ANKMY2: variants seen among roughly 807,000 people sequenced by gnomAD.
ANKMY2 encodes ankyrin repeat and MYND domain containing 2.
Under a neutral mutation model 50.4 loss-of-function variants are expected in ANKMY2, and 36 were observed. The observed-to-expected ratio is 0.71, with a 90% CI of 0.55 to 0.94. ANKMY2 has a LOEUF of 0.94. Ranked by LOEUF, ANKMY2 falls within the 40% of genes least tolerant of loss-of-function variation. The pLI is 0.00. For synonymous variants in ANKMY2, 187 were observed against 178.8 expected, an observed-to-expected ratio of 1.05 and a Z score of -0.36; for missense variants, 565 against 524.0, an observed-to-expected ratio of 1.08 and a Z score of -0.76.
chr7:16,599,951 T>A lies in ANKMY2; in HGVS notation c.*810A>T, dbSNP rs113616294. 1 of 152,230 alleles carries A rather than the reference T, an allele frequency of 6.6e-6. No individual in the cohort carries two copies. The highest frequency in any genetic ancestry group is 6.5e-5 in the Admixed American group (1 of 15,284). 9.4% of individuals were successfully genotyped at this position (152,230 alleles called of 1,614,324 possible). The stretch of plus-strand genomic sequence containing the variant: ...CAGTTTCTGGAAAGGAAGTGCTCCA[T>A]GAAAAGCTTATAGCAAGATAACTCA... On this transcript the variant is annotated 3_prime_UTR_variant, in exon 10 of 10. Transcript: ENST00000306999.
intron 7 of ANKMY2, among the ~76,000 whole-genome samples, chr7:16,605,523 A>G (rs867056236): frequency 6.6e-6 from 1 of 151,952 alleles, no homozygotes; most frequent in Non-Finnish European, 1.5e-5. Flanking sequence ...TTTTTTTGAG[A>G]TGGAGTCTCT....
At chr7:16,601,574 T>G (rs1262042971) in intron 9 of ANKMY2, among the ~76,000 whole-genome samples, 1 of 152,244 alleles carries the variant, frequency 6.6e-6, no homozygotes, top group East Asian at 1.9e-4. Context: ...TAAGGATAAA[T>G]GGTTTAATTG....
intron 1 of ANKMY2, among the ~76,000 whole-genome samples, chr7:16,639,643 G>C (rs927918948): frequency 1.3e-5 from 2 of 152,144 alleles, no homozygotes; most frequent in African/African-American, 4.8e-5. Context: ...TTAGCAAGGT[G>C]TGGTGGCATG....
intron 4 of ANKMY2, among the ~76,000 whole-genome samples, chr7:16,620,814 G>A (rs565535497): frequency 6.6e-6 from 1 of 152,130 alleles, no homozygotes; most frequent in Admixed American, 6.5e-5. Context: ...CTACTTAAAT[G>A]AAATGATAAA....
Position 16,602,467 on chromosome 7 carries a change from T to A in ANKMY2, c.1054A>T (p.Thr352Ser). The change falls in exon 9 of 10, where the codon ACT (threonine) becomes TCT (serine). Residue 352 changes from threonine (T) to serine (S), a missense_variant. By Grantham distance (58) the Thr-to-Ser change is moderately conservative. Coordinates refer to ENST00000306999, the MANE Select transcript of ANKMY2 (RefSeq NM_020319.3). ...AGATTCTTACAGATTTTCTTATGAG[T>A]AAACCAGTGTGTTTTCTGGCAGGTT... is the stretch of plus-strand genomic sequence containing the variant. The part of the protein sequence containing the change: ...DQTCQKTHWF[T>S]HKKICKNLKD... The A allele has an allele frequency of 2.5e-6, 4 of 1,613,910 alleles. No homozygotes were observed. The highest frequency in any genetic ancestry group is 3.4e-6 in the Non-Finnish European group (4 of 1,179,966).
chr7:16,636,260 G>T, intron 2 of ANKMY2, 131 bp downstream of exon 2: 1 of 629,430 alleles, frequency 1.6e-6, no homozygotes. Flanking sequence ...CCAAAATTGT[G>T]CCACTGCATT....
chr7:16,606,429 T>TAAA (rs112705631), intron 7 of ANKMY2, among the ~76,000 whole-genome samples: 1 of 148,428 alleles, frequency 6.7e-6, no homozygotes, highest in Non-Finnish European at 1.5e-5. Flanking sequence ...ACCTTGTATT[T>TAAA]AAAAAAAAAA....
chr7:16,610,503 AT>A lies in ANKMY2; in HGVS notation c.746+45del, dbSNP rs777203399. 2.3e-5 allele frequency: 34 copies of A among 1,471,094 alleles called. No individual in the cohort carries two copies. In the Admixed American group the frequency reaches 3.6e-4, roughly 16 times the overall value. 91.1% of individuals were successfully genotyped at this position (1,471,094 alleles called of 1,614,324 possible). On this transcript the variant is annotated intron_variant, in intron 6 of 9. Coordinates refer to ENST00000306999, the MANE Select transcript of ANKMY2 (RefSeq NM_020319.3). ...ATAATGAGGCTTCATATTAAAAAAA[AT>A]ATTCACTTGAGTGTATTTTATAAAC...
At chr7:16,625,119 G>A (rs1006865956) in intron 3 of ANKMY2, 38 bp from the exon 4 acceptor site, 1 of 1,524,064 alleles carries the variant, frequency 6.6e-7, no homozygotes, top group African/African-American at 1.4e-5. Context: ...TAATGTTAAG[G>A]AGGACACAAT....
intron 8 of ANKMY2, among the ~76,000 whole-genome samples, chr7:16,603,134 G>T (rs933530734): frequency 6.6e-6 from 1 of 152,198 alleles, no homozygotes; most frequent in Non-Finnish European, 1.5e-5. Context: ...ATAACAAACA[G>T]TCTACCAAAG....
chr7:16,607,668 CTT>C (rs60554872), intron 7 of ANKMY2, among the ~76,000 whole-genome samples: 23,601 of 122,398 alleles, frequency 0.19, 2,287 homozygotes, highest in Non-Finnish European at 0.22. Context: ...TATTGACCTG[CTT>C]TTTTTTTTTT....
intron 9 of ANKMY2, among the ~76,000 whole-genome samples, chr7:16,602,076 C>G (rs1441241779): frequency 1.3e-5 from 2 of 152,080 alleles, no homozygotes; most frequent in Non-Finnish European, 2.9e-5. Context: ...CCTTCATGAG[C>G]AGAATATAAG....
At chr7:16,616,748 C>T (rs541822796) in intron 4 of ANKMY2, among the ~76,000 whole-genome samples, 2 of 152,360 alleles carry the variant, frequency 1.3e-5, no homozygotes, top group African/African-American at 2.4e-5. Flanking sequence ...CCAGCGGAGG[C>T]GCGCCTGGGG....
chr7:16,601,031 T>C (rs895270276), intron 9 of ANKMY2, 86 bp from the exon 10 acceptor site: 9 of 1,063,260 alleles, frequency 8.5e-6, no homozygotes, highest in Non-Finnish European at 1.0e-5. Context: ...TTAATCTTCC[T>C]ATCAACTACA....
At chr7:16,640,267 T>G (rs978287143) in intron 1 of ANKMY2, among the ~76,000 whole-genome samples, 2 of 152,202 alleles carry the variant, frequency 1.3e-5, no homozygotes, top group Non-Finnish European at 2.9e-5. Flanking sequence ...CATCCCACAG[T>G]TATCTGAGGA....
In ANKMY2 at chr7:16,645,745, G is replaced by T; in HGVS notation, c.-172C>A. On this transcript the variant is annotated 5_prime_UTR_variant, in exon 1 of 10. Transcript: ENST00000306999. ...TCCCTCCCGCGGGCTGGCGGACAGC[G>T]GGCGAGCTCGGGCGAGCCAGGCGGA... 1.6e-6 allele frequency: 1 copy of T among 627,992 alleles called. No homozygotes were observed. The highest frequency in any genetic ancestry group is 3.6e-5 in the East Asian group (1 of 27,424). 38.9% of individuals were successfully genotyped at this position (627,992 alleles called of 1,614,324 possible). A position where few individuals can be genotyped will look rare whatever the true frequency, so the allele number is the denominator to read the frequency against.
At chr7:16,609,570 A>G in intron 7 of ANKMY2, 60 bp downstream of exon 7, 4 of 1,514,118 alleles carry the variant, frequency 2.6e-6, no homozygotes, top group Non-Finnish European at 3.5e-6. Context: ...GCCTTTAACA[A>G]TACAATAGGT....
chr7:16,633,452 G>A (rs2128345875), intron 2 of ANKMY2, among the ~76,000 whole-genome samples: 1 of 151,754 alleles, frequency 6.6e-6, no homozygotes, highest in South Asian at 2.1e-4. Flanking sequence ...TATCACTTTG[G>A]CCAGCAAACA....
Position 16,645,579 on chromosome 7 carries a change from C to A in ANKMY2, c.-6G>T, listed in dbSNP as rs1270981709. The A allele has an allele frequency of 1.2e-6, 2 of 1,610,858 alleles. No homozygotes were observed. The highest frequency in any genetic ancestry group is 2.2e-5 in the South Asian group (2 of 90,594). ...CCTTTCTTTATGTGAACCATTGCTC[C>A]CGCCAGCTTGAAGGTTATTCCCTTT... On this transcript the variant is annotated 5_prime_UTR_variant, in exon 1 of 10. Coordinates refer to ENST00000306999, the MANE Select transcript of ANKMY2 (RefSeq NM_020319.3).
Sources: gnomAD v4.1 joint callset for allele counts (sites outside exome capture counted in the v4.1 genomes callset) on GRCh38, gnomAD v4.1.1 for gene constraint, MANE v1.5 for transcripts, NCBI Gene and HGNC (gene_info 2026-07-23, HGNC 2026-07-21) for gene names.